Variants in SGCZ observed in about 807,000 individuals in gnomAD.
The protein encoded by SGCZ is sarcoglycan zeta.
In SGCZ, 40 loss-of-function variants were observed where a neutral mutation model predicts 41.3. The ratio of observed to expected loss-of-function variants is 0.97; its 90% CI spans 0.75 to 1.26. The LOEUF is 1.26. SGCZ is among the 50% of genes most tolerant of loss of function. The pLI, the probability that SGCZ is intolerant of heterozygous loss-of-function variation, is 0.00. For missense variants in SGCZ, 552 were observed against 369.8 expected, an observed-to-expected ratio of 1.49 and a Z score of -4.04; for synonymous variants, 206 against 137.5, an observed-to-expected ratio of 1.50 and a Z score of -3.49.
chr8:14,655,259 T>C, intron 1 of SGCZ, among the ~76,000 whole-genome samples: 1 of 152,082 alleles, frequency 6.6e-6, no homozygotes, highest in East Asian at 1.9e-4. Context: ...AAATCTTGAA[T>C]GCTAATCTGC....
intron 4 of SGCZ, among the ~76,000 whole-genome samples, chr8:14,220,718 C>A (rs1213902270): frequency 6.6e-6 from 1 of 151,870 alleles, no homozygotes; most frequent in Admixed American, 6.6e-5. Flanking sequence ...ACCCGGGAGG[C>A]GGAGCTTGCA....
intron 1 of SGCZ, among the ~76,000 whole-genome samples, chr8:14,614,298 A>C (rs1249121736): frequency 6.6e-6 from 1 of 152,176 alleles, no homozygotes; most frequent in African/African-American, 2.4e-5. Context: ...AAAATTGAAG[A>C]ACATATTTTT....
At chr8:14,997,192 G>T (rs919441963) in intron 1 of SGCZ, among the ~76,000 whole-genome samples, 42 of 152,204 alleles carry the variant, frequency 2.8e-4, no homozygotes, top group African/African-American at 9.9e-4. Flanking sequence ...AATTCTCAGT[G>T]TTATATTTAC....
chr8:14,638,799 C>A (rs1806920649), intron 1 of SGCZ, among the ~76,000 whole-genome samples: 1 of 151,750 alleles, frequency 6.6e-6, no homozygotes, highest in Admixed American at 6.6e-5. Flanking sequence ...CCCTCAGGTG[C>A]ACTACATTTT....
At chr8:14,631,076 A>G (rs1453016533) in intron 1 of SGCZ, among the ~76,000 whole-genome samples, 2 of 152,098 alleles carry the variant, frequency 1.3e-5, no homozygotes, top group African/African-American at 4.8e-5. Context: ...GGTGATTTCC[A>G]TGCCCCATTG....
intron 4 of SGCZ, among the ~76,000 whole-genome samples, chr8:14,218,355 G>A (rs1023816335): frequency 6.6e-6 from 1 of 152,088 alleles, no homozygotes; most frequent in Non-Finnish European, 1.5e-5. Context: ...AAAAACTCTA[G>A]GAAGAAAATT....
At chr8:14,242,682 C>A (rs966220793) in intron 3 of SGCZ, among the ~76,000 whole-genome samples, 1 of 152,144 alleles carries the variant, frequency 6.6e-6, no homozygotes, top group African/African-American at 2.4e-5. Flanking sequence ...GATACCATCA[C>A]TCTTGTTTCA....
At chr8:14,752,992 G>A (rs1585232212) in intron 1 of SGCZ, among the ~76,000 whole-genome samples, 2 of 152,076 alleles carry the variant, frequency 1.3e-5, no homozygotes, top group African/African-American at 4.8e-5. Flanking sequence ...TCAGCAATTG[G>A]TCTGTTTTCA....
chr8:14,323,769 T>C (rs576404760), intron 3 of SGCZ, among the ~76,000 whole-genome samples: 1 of 152,236 alleles, frequency 6.6e-6, no homozygotes, highest in South Asian at 2.1e-4. Context: ...AATCAGTGCC[T>C]TTTTGAAAAA....
At position 15,131,847 on chromosome 8, in the gene SGCZ, G is replaced by C. The variant is rs144278332; in HGVS notation, c.39+105738C>G. Among the ~76,000 whole-genome samples, 31 of 152,272 alleles carry C rather than the reference G, an allele frequency of 2.0e-4. No homozygotes were observed. In the East Asian group the frequency reaches 5.0e-3, roughly 25 times the overall value. The stretch of plus-strand genomic sequence containing the variant: ...AAGAATAAATATAGTTTTGGTGGAG[G>C]TGAAATGTGTTTCTCAGCCTGAAAG... On this transcript the variant is annotated intron_variant, in intron 1 of 7. Transcript: ENST00000382080.
intron 1 of SGCZ, among the ~76,000 whole-genome samples, chr8:15,069,599 C>T (rs540739820): frequency 5.9e-5 from 9 of 152,294 alleles, no homozygotes; most frequent in African/African-American, 2.2e-4. Context: ...ACTTTTAATT[C>T]ACTCTGACAG....
intron 1 of SGCZ, among the ~76,000 whole-genome samples, chr8:14,810,168 T>C (rs1389281328): frequency 6.6e-6 from 1 of 152,038 alleles, no homozygotes; most frequent in Non-Finnish European, 1.5e-5. Flanking sequence ...CATGGCATGT[T>C]ACATAAAAAA....
chr8:14,210,506 A>T (rs1220373643), intron 4 of SGCZ, among the ~76,000 whole-genome samples: 2 of 151,454 alleles, frequency 1.3e-5, no homozygotes, highest in Non-Finnish European at 2.9e-5. Context: ...CTTGTTGCCC[A>T]GACTGGAGTG....
At chr8:14,330,730 A>T (rs1488865326) in intron 2 of SGCZ, among the ~76,000 whole-genome samples, 1 of 152,014 alleles carries the variant, frequency 6.6e-6, no homozygotes, top group East Asian at 1.9e-4. Flanking sequence ...AGGTTAAATA[A>T]ATGTTTTCTA....
At chr8:14,494,260 A>G (rs1327058478) in intron 2 of SGCZ, among the ~76,000 whole-genome samples, 2 of 152,124 alleles carry the variant, frequency 1.3e-5, no homozygotes, top group Non-Finnish European at 2.9e-5. Context: ...GTCTCTCTCA[A>G]TCACTATCTT....
intron 2 of SGCZ, among the ~76,000 whole-genome samples, chr8:14,443,980 C>T (rs1010191768): frequency 2.0e-5 from 3 of 152,122 alleles, no homozygotes; most frequent in East Asian, 3.9e-4. Flanking sequence ...AAACAAACAA[C>T]CCCATCAAAA....
chr8:14,623,960 C>T (rs959049212), intron 1 of SGCZ, among the ~76,000 whole-genome samples: 1 of 152,146 alleles, frequency 6.6e-6, no homozygotes, highest in African/African-American at 2.4e-5. Flanking sequence ...TTTTGTGTTG[C>T]TTTGTGACTG....
chr8:15,192,184 T>C (rs902780896), intron 1 of SGCZ, among the ~76,000 whole-genome samples: 2 of 152,090 alleles, frequency 1.3e-5, no homozygotes, highest in African/African-American at 2.4e-5. Flanking sequence ...TAAAATTTTG[T>C]TCCTGAATCC....
chr8:14,850,630 G>A (rs58440578), intron 1 of SGCZ, among the ~76,000 whole-genome samples: 3,998 of 152,178 alleles, frequency 0.026, 164 homozygotes, highest in African/African-American at 0.09. Flanking sequence ...TAATGATCAT[G>A]GCTAACATGT....
Sources: allele counts gnomAD v4.1 joint callset (sites outside exome capture counted in the v4.1 genomes callset), GRCh38; gene constraint gnomAD v4.1.1; transcripts MANE v1.5; gene names NCBI Gene and HGNC (gene_info 2026-07-23, HGNC 2026-07-21).